Variants in MYO15A observed in about 807,000 individuals in gnomAD.
The protein encoded by MYO15A is unconventional myosin-XV.
In MYO15A, 308 loss-of-function variants were observed where a neutral mutation model predicts 394.6. That is an observed-to-expected ratio of 0.78 (90% confidence interval 0.71 to 0.86). The LOEUF is 0.86. MYO15A is among the 40% of genes least tolerant of loss of function. MYO15A has a pLI of 0.00. For missense variants in MYO15A, 4,606 were observed against 4,799.1 expected, an observed-to-expected ratio of 0.96 and a Z score of 1.19; for synonymous variants, 1,957 against 2,003.8, an observed-to-expected ratio of 0.98 and a Z score of 0.62.
chr17:18,160,066 C>A, intron 56 of MYO15A, 49 bp downstream of exon 56: 1 of 1,561,184 alleles, frequency 6.4e-7, no homozygotes, highest in South Asian at 1.1e-5. Context: ...TGTCCATGCT[C>A]CAGGAGGGAC....
At chr17:18,138,616 G>A (rs571896595) in intron 17 of MYO15A, among the ~76,000 whole-genome samples, 195 bp from the exon 18 acceptor site, 6 of 152,202 alleles carry the variant, frequency 3.9e-5, no homozygotes, top group Non-Finnish European at 8.8e-5. Context: ...CTATCTTCAA[G>A]GGACCACTCA....
intron 5 of MYO15A, 56 bp from the exon 6 acceptor site, chr17:18,126,735 C>T (rs1266428298): frequency 4.4e-6 from 7 of 1,574,084 alleles, no homozygotes; most frequent in Middle Eastern, 1.7e-4. Flanking sequence ...TGCCCAATCC[C>T]TGGGAGGTGT....
rs771345811 is a variant in MYO15A at position 18,118,820 on chromosome 17, AG to A, written c.22del (p.Glu8ArgfsTer23). On this transcript the variant is annotated frameshift_variant, in exon 2 of 66. Coordinates refer to ENST00000647165, the MANE Select transcript of MYO15A (RefSeq NM_016239.4). LOFTEE classifies it high-confidence loss of function. The part of the protein sequence containing the change: MAKEED[E>X]EKKAKKGKKG... ...GCCACCATGGCGAAGGAGGAAGATGAGGAGAAGAAAGCCAAGAAAGGGAAGA... is the reference window on the plus strand; with the variant it reads ...GCCACCATGGCGAAGGAGGAAGATGAGAGAAGAAAGCCAAGAAAGGGAAGA... 1 of 1,609,198 alleles carries A rather than the reference AG, an allele frequency of 6.2e-7. No homozygotes were observed. The highest frequency in any genetic ancestry group is 1.1e-5 in the South Asian group (1 of 90,258).
chr17:18,171,602 T>A (rs1234649200), intron 62 of MYO15A, 36 bp from the exon 63 acceptor site: 1 of 1,613,642 alleles, frequency 6.2e-7, no homozygotes, highest in Admixed American at 1.7e-5. Context: ...GCCTGGGAGC[T>A]CACTCAGGAC....
intron 10 of MYO15A, among the ~76,000 whole-genome samples, chr17:18,131,988 GTGTC>G (rs2046176096): frequency 6.6e-6 from 1 of 152,160 alleles, no homozygotes; most frequent in Non-Finnish European, 1.5e-5. Flanking sequence ...TATTTGCTGA[GTGTC>G]TGTCTCCCTA....
chr17:18,152,211 G>T, intron 42 of MYO15A, 27 bp downstream of exon 42: 1 of 1,535,798 alleles, frequency 6.5e-7, no homozygotes, highest in Non-Finnish European at 8.8e-7. Flanking sequence ...GGAGGGAGGG[G>T]AGGGTGTCCA....
Position 18,122,341 on chromosome 17 carries a change from C to T in MYO15A, c.3541C>T (p.Pro1181Ser), listed in dbSNP as rs919257187. ...CCATCCCCAGTCCTGCCACCTGGGC[C>T]CTGGAGCTGCCTGCCTGTCCCTTAG... ...HTHPQSCHLG[P>S]GAACLSLRGS... Residue 1181 changes from proline to serine, a missense_variant, in exon 2 of 66, where the codon CCT becomes TCT. Physicochemically the swap from Pro to Ser is moderately conservative, Grantham distance 74. This residue lies in a region of MYO15A where 2,776 missense variants were observed against 3,109.3 expected (regional missense o/e 0.89). Coordinates refer to ENST00000647165, the MANE Select transcript of MYO15A (RefSeq NM_016239.4). The T allele has an allele frequency of 1.2e-6, 2 of 1,612,908 alleles. No individual in the cohort carries two copies. The highest frequency in any genetic ancestry group is 1.7e-6 in the Non-Finnish European group (2 of 1,179,994).
Position 18,148,462 on chromosome 17 carries a change from C to A in MYO15A, c.6692-34C>A. The stretch of plus-strand genomic sequence containing the variant: ...GGCACAGCCAAACTGGACTCAGATG[C>A]TCCAACCTGAGCCCGGCACCTGCTG... On this transcript the variant is annotated intron_variant, in intron 31 of 65. Transcript: ENST00000647165. This position sits in a 1 kb window ranked among gnomAD's most constrained non-coding sequence, Gnocchi z 4.8. The A allele has an allele frequency of 6.4e-7, 1 of 1,550,860 alleles. No homozygotes were observed. The highest frequency in any genetic ancestry group is 8.7e-7 in the Non-Finnish European group (1 of 1,146,612).
At chr17:18,178,743 G>A in intron 65 of MYO15A, 26 bp from the exon 66 acceptor site, 1 of 1,608,308 alleles carries the variant, frequency 6.2e-7, no homozygotes, top group South Asian at 1.1e-5. Flanking sequence ...TGTTGGATGG[G>A]CGTGGACTGT....
chr17:18,134,205 G>C (rs1328043028), intron 12 of MYO15A, among the ~76,000 whole-genome samples: 2 of 151,168 alleles, frequency 1.3e-5, no homozygotes, highest in Non-Finnish European at 1.5e-5. Flanking sequence ...GGCCAGGATG[G>C]TCTCGCTCTC....
chr17:18,150,598 G>A lies in MYO15A; in HGVS notation c.7327+55G>A, dbSNP rs1156331319. 1 of 1,611,826 alleles carries A rather than the reference G, an allele frequency of 6.2e-7. No homozygotes were observed. Among genetic ancestry groups the A allele is most frequent in the Non-Finnish European group, 8.5e-7 (1 of 1,178,482 alleles). On this transcript the variant is annotated intron_variant, in intron 36 of 65. Transcript: ENST00000647165. The surrounding 1 kb of genome is among the most constrained non-coding windows in gnomAD (Gnocchi z 4.4). ...TTGGGCAGGGCCAGAGCCACTTGCT[G>A]GTGTGCTAGAATGGAGGCAGCCACA...
Position 18,172,157 on chromosome 17 carries a change from G to T in MYO15A, c.10217G>T (p.Gly3406Val). 1 of 1,614,122 alleles carries T rather than the reference G, an allele frequency of 6.2e-7. No individual in the cohort carries two copies. Among genetic ancestry groups the T allele is most frequent in the Non-Finnish European group, 8.5e-7 (1 of 1,180,020 alleles). The change falls in exon 64 of 66, where the codon GGC becomes GTC. Residue 3406 changes from glycine (G) to valine (V), a missense_variant and splice_region_variant. Physicochemically the swap from Gly to Val is moderately radical, Grantham distance 109 (BLOSUM62 -3). Coordinates refer to ENST00000647165, the MANE Select transcript of MYO15A (RefSeq NM_016239.4). Reference protein sequence around the residue: ...SPHQARAQFLGLLSALPMFGS... With the variant: ...SPHQARAQFLVLLSALPMFGS... The stretch of plus-strand genomic sequence containing the variant: ...ACTGCCACCCCCTCTCCCTGCCCAG[G>T]CCTCCTCAGCGCCTTACCTATGTTC...
rs1045222245 is a variant in MYO15A at position 18,111,364 on chromosome 17, A to C, written c.-220+2540A>C. ...GAGAAAAAAAAAAAAAAAAAAAAAA[A>C]AACAAAGTCTGTGTCCCCTACAACA... On this transcript the variant is annotated intron_variant, in intron 1 of 65. Transcript: ENST00000647165. Among the ~76,000 whole-genome samples the C allele has an allele frequency of 2.4e-3, 348 of 143,976 alleles. 1 individual carries two copies. Among genetic ancestry groups the C allele is most frequent in the Non-Finnish European group, 4.4e-3 (288 of 65,990 alleles). The allele number at this position is 143,976 out of a possible 152,430, so 94.5% of individuals were successfully genotyped here. A position where few individuals can be genotyped will look rare whatever the true frequency, so the allele number is the denominator to read the frequency against.
intron 16 of MYO15A, 152 bp downstream of exon 16, chr17:18,137,831 G>C: frequency 2.0e-6 from 2 of 995,766 alleles, no homozygotes; most frequent in Non-Finnish European, 3.1e-6. Context: ...CCAGCCCATG[G>C]GAAGGCCTCT....
In MYO15A at chr17:18,120,389, C is replaced by T. The variant is rs1263758551; in HGVS notation, c.1589C>T (p.Pro530Leu). 1.6e-5 allele frequency: 26 copies of T among 1,610,118 alleles called. No individual in the cohort carries two copies. The highest frequency in any genetic ancestry group is 5.3e-5 in the African/African-American group (4 of 74,910). The change falls in exon 2 of 66, where the codon CCT (proline) becomes CTT (leucine). Residue 530 changes from proline to leucine, a missense_variant. Coordinates refer to ENST00000647165, the MANE Select transcript of MYO15A (RefSeq NM_016239.4). ...GTTTCCGCTGTGCCCTACGGCCACC[C>T]TTTCTGGGGCTTCCTCACGCCGCGC... ...PPVSAVPYGH[P>L]FWGFLTPRQR...
chr17:18,134,454 T>A (rs2046228113), intron 12 of MYO15A, among the ~76,000 whole-genome samples: 1 of 152,256 alleles, frequency 6.6e-6, no homozygotes, highest in African/African-American at 2.4e-5. Context: ...TCTAAGACCT[T>A]TTATGGATTT....
chr17:18,170,561 G>C (rs947005212), intron 62 of MYO15A, among the ~76,000 whole-genome samples: 3 of 151,756 alleles, frequency 2.0e-5, no homozygotes, highest in Non-Finnish European at 4.4e-5. Flanking sequence ...GTCTTACCAT[G>C]TTGACCAGAC....
chr17:18,135,127 A>G (rs964501622), intron 12 of MYO15A, among the ~76,000 whole-genome samples: 6 of 152,042 alleles, frequency 3.9e-5, no homozygotes, highest in Admixed American at 6.5e-5. Flanking sequence ...CAGCCTCCCA[A>G]AGTGCTGGGA....
Position 18,136,440 on chromosome 17 carries a change from C to T in MYO15A, c.4620C>T (p.Phe1540=). Reference sequence around the variant, plus strand: ...AGGAGACAATGCGAGAGAAGATCTTCACGCCCCTAACTGTGGAGAGCGCTG... The same window carrying T: ...AGGAGACAATGCGAGAGAAGATCTTTACGCCCCTAACTGTGGAGAGCGCTG... ...KVTETMREKI[F]TPLTVESAVD... Residue 1540 remains phenylalanine, a synonymous_variant, in exon 14 of 66, where the codon TTC becomes TTT. Coordinates refer to ENST00000647165, the MANE Select transcript of MYO15A (RefSeq NM_016239.4). 6.2e-7 allele frequency: 1 copy of T among 1,613,866 alleles called. No homozygotes were observed. The highest frequency in any genetic ancestry group is 1.3e-5 in the African/African-American group (1 of 75,048).
Sources: allele counts gnomAD v4.1 joint callset (sites outside exome capture counted in the v4.1 genomes callset), GRCh38; gene constraint gnomAD v4.1.1; regional missense constraint gnomAD v4.1.1; non-coding constraint Gnocchi (gnomAD v3.1); transcripts MANE v1.5; gene names NCBI Gene and HGNC (gene_info 2026-07-23, HGNC 2026-07-21).